Variants in CHSY3 observed in about 807,000 individuals in gnomAD.
CHSY3 encodes chondroitin sulfate synthase 3, also known as N-acetylgalactosaminyl-proteoglycan 3-beta-glucuronosyltransferase 3.
CHSY3 carries 35 observed loss-of-function variants against 67.2 expected under a neutral mutation model. The ratio of observed to expected loss-of-function variants is 0.52; its 90% CI spans 0.40 to 0.69. CHSY3 has a LOEUF of 0.69. Among genes scored for constraint, CHSY3 ranks in the 30% least tolerant of loss-of-function variants. CHSY3 has a pLI of 0.00. For synonymous variants in CHSY3, 474 were observed against 434.7 expected, an observed-to-expected ratio of 1.09 and a Z score of -1.12; for missense variants, 1,069 against 1,138.5, an observed-to-expected ratio of 0.94 and a Z score of 0.88.
chr5:130,118,840 G>A (rs1011849167), intron 2 of CHSY3, among the ~76,000 whole-genome samples: 4 of 152,018 alleles, frequency 2.6e-5, no homozygotes, highest in Non-Finnish European at 4.4e-5. Flanking sequence ...GTCATTAAGC[G>A]AGGCTACAGT....
At chr5:129,965,663 G>T (rs1456358787) in intron 2 of CHSY3, among the ~76,000 whole-genome samples, 1 of 151,850 alleles carries the variant, frequency 6.6e-6, no homozygotes, top group African/African-American at 2.4e-5. Flanking sequence ...GGAATCGTGG[G>T]GAGGTTACTA....
intron 2 of CHSY3, among the ~76,000 whole-genome samples, chr5:130,144,366 A>G (rs966027507): frequency 6.6e-6 from 1 of 151,882 alleles, no homozygotes; most frequent in Non-Finnish European, 1.5e-5. Context: ...AGCATATCTA[A>G]AAACTAATAT....
Position 129,904,896 on chromosome 5 carries a change from G to A in CHSY3, c.67G>A (p.Ala23Thr). ...AGGGCTGGTGCTGGGCTTCACCGCC[G>A]CGTCCTGGCTCATCGCCCCCAGGGT... ...ALGLVLGFTA[A>T]SWLIAPRVAE... Residue 23 changes from alanine (A) to threonine (T), a missense_variant, in exon 1 of 3, where the codon GCG (alanine) becomes ACG (threonine). Ala to Thr is a moderately conservative substitution (Grantham distance 58). Around this residue, in one of 5 missense-constraint regions of CHSY3, gnomAD observed 309 missense variants for 262.5 expected, o/e 1.18. Coordinates refer to ENST00000305031, the MANE Select transcript of CHSY3 (RefSeq NM_175856.5). 1 of 1,525,586 alleles carries A rather than the reference G, an allele frequency of 6.6e-7. No homozygotes were observed. Among genetic ancestry groups the A allele is most frequent in the Non-Finnish European group, 8.8e-7 (1 of 1,137,302 alleles). The allele number at this position is 1,525,586 out of a possible 1,614,324, so 94.5% of individuals were successfully genotyped here.
At chr5:130,054,284 T>A (rs1765457636) in intron 2 of CHSY3, among the ~76,000 whole-genome samples, 1 of 152,212 alleles carries the variant, frequency 6.6e-6, no homozygotes, top group Non-Finnish European at 1.5e-5. Flanking sequence ...TTATTATGGA[T>A]ATAGCCTCCT....
intron 2 of CHSY3, among the ~76,000 whole-genome samples, chr5:130,099,865 A>C (rs1219055196): frequency 6.6e-6 from 1 of 152,174 alleles, no homozygotes; most frequent in Non-Finnish European, 1.5e-5. Context: ...TGTTCAATGT[A>C]GCAGAATCTC....
chr5:129,920,786 C>G (rs1010333699), intron 2 of CHSY3, among the ~76,000 whole-genome samples: 1 of 151,990 alleles, frequency 6.6e-6, no homozygotes, highest in Non-Finnish European at 1.5e-5. Context: ...GTCATTCTTA[C>G]ATTAGACCTT....
intron 2 of CHSY3, among the ~76,000 whole-genome samples, chr5:130,093,311 A>G (rs1408472992): frequency 6.6e-6 from 1 of 152,174 alleles, no homozygotes; most frequent in African/African-American, 2.4e-5. Context: ...AATATACAAT[A>G]ATGCATATTA....
chr5:130,155,944 A>T (rs991953447), intron 2 of CHSY3, among the ~76,000 whole-genome samples: 3 of 152,200 alleles, frequency 2.0e-5, no homozygotes, highest in African/African-American at 7.2e-5. Flanking sequence ...GCAATCTCAA[A>T]ACATTTTCTT....
At chr5:129,925,830 G>A (rs1761086268) in intron 2 of CHSY3, among the ~76,000 whole-genome samples, 1 of 151,932 alleles carries the variant, frequency 6.6e-6, no homozygotes. Flanking sequence ...GGGAGAAATT[G>A]TAATATTAAA....
chr5:130,123,664 C>A (rs900401878), intron 2 of CHSY3, among the ~76,000 whole-genome samples: 1 of 152,128 alleles, frequency 6.6e-6, no homozygotes, highest in Non-Finnish European at 1.5e-5. Context: ...TACTCTGTTT[C>A]TTTTGTGCAT....
chr5:129,970,285 C>G (rs1287554734), intron 2 of CHSY3, among the ~76,000 whole-genome samples: 1 of 151,834 alleles, frequency 6.6e-6, no homozygotes, highest in Non-Finnish European at 1.5e-5. Flanking sequence ...TCACCAGAGC[C>G]TAGCAGAATG....
intron 2 of CHSY3, among the ~76,000 whole-genome samples, chr5:129,993,804 C>G (rs1194329069): frequency 2.0e-5 from 3 of 151,448 alleles, no homozygotes; most frequent in Non-Finnish European, 2.9e-5. Flanking sequence ...TCTTCCTAGC[C>G]TCGATGGTCT....
intron 2 of CHSY3, among the ~76,000 whole-genome samples, chr5:130,055,041 A>G (rs745757879): frequency 5.9e-5 from 9 of 152,090 alleles, no homozygotes; most frequent in Non-Finnish European, 1.2e-4. Flanking sequence ...GGCTACTCCA[A>G]TCTTGTATCA....
intron 2 of CHSY3, among the ~76,000 whole-genome samples, chr5:130,109,543 T>C (rs1370809318): frequency 1.3e-5 from 2 of 151,730 alleles, no homozygotes; most frequent in African/African-American, 4.8e-5. Context: ...AAACACACAA[T>C]TGTTAGGCTT....
intron 2 of CHSY3, among the ~76,000 whole-genome samples, chr5:130,008,932 A>G (rs923465265): frequency 6.6e-6 from 1 of 152,218 alleles, no homozygotes. Context: ...GAATTTTAAA[A>G]AAGGAAGAAA....
At chr5:129,929,114 A>G (rs1190901964) in intron 2 of CHSY3, among the ~76,000 whole-genome samples, 1 of 152,178 alleles carries the variant, frequency 6.6e-6, no homozygotes, top group East Asian at 1.9e-4. Context: ...TATATAATAT[A>G]AGGAAATGGG....
chr5:130,123,717 T>G (rs891589389), intron 2 of CHSY3, among the ~76,000 whole-genome samples: 5 of 151,230 alleles, frequency 3.3e-5, no homozygotes, highest in South Asian at 4.2e-4. Context: ...TGCCCTAAAA[T>G]AAAAAAGAAA....
At chr5:129,998,730 C>G (rs1194404383) in intron 2 of CHSY3, among the ~76,000 whole-genome samples, 1 of 151,784 alleles carries the variant, frequency 6.6e-6, no homozygotes, top group Non-Finnish European at 1.5e-5. Flanking sequence ...TCTTTCAAAT[C>G]TATGTATTTT....
At chr5:130,143,806 G>GTGTATATATATATATATATATATA (rs1768977777) in intron 2 of CHSY3, among the ~76,000 whole-genome samples, 1 of 41,260 alleles carries the variant, frequency 2.4e-5, no homozygotes, top group African/African-American at 1.0e-4. Context: ...ATATATATAT[G>GTGTATATATATATATATATATATA]TGTGTATATA....
Sources: gnomAD v4.1 joint callset for allele counts (sites outside exome capture counted in the v4.1 genomes callset) on GRCh38, gnomAD v4.1.1 for gene constraint, gnomAD v4.1.1 regional missense constraint, MANE v1.5 for transcripts, NCBI Gene and HGNC (gene_info 2026-07-23, HGNC 2026-07-21) for gene names.